FOCAD: variants seen among roughly 807,000 people sequenced by gnomAD.
FOCAD encodes KIAA1797.
A neutral mutation model predicts 225.6 loss-of-function variants in FOCAD; 198 were observed. That is an observed-to-expected ratio of 0.88 (90% CI 0.78 to 0.99). The LOEUF is 0.99. Ranked by LOEUF, FOCAD falls within the 50% of genes least tolerant of loss-of-function variation. The probability of loss-of-function intolerance (pLI) is 0.00; values close to 1 mark genes in which losing one functional copy is unlikely to be tolerated. For synonymous variants in FOCAD, 897 were observed against 755.0 expected, an observed-to-expected ratio of 1.19 and a Z score of -3.08; for missense variants, 2,713 against 2,123.6, an observed-to-expected ratio of 1.28 and a Z score of -5.46.
At chr9:20,705,757 T>A (rs540027471) in intron 1 of FOCAD, among the ~76,000 whole-genome samples, 37 of 151,672 alleles carry the variant, frequency 2.4e-4, no homozygotes, top group African/African-American at 8.7e-4. Context: ...AGATTTAGAT[T>A]GGATGCTGAA....
intron 1 of FOCAD, among the ~76,000 whole-genome samples, chr9:20,691,189 T>C (rs10757143): frequency 0.22 from 32,791 of 152,080 alleles, 3,845 homozygotes; most frequent in African/African-American, 0.31. Context: ...GTGATCCACC[T>C]GCCTTGGCCT....
chr9:20,760,276 G>T (rs1829462915), intron 6 of FOCAD, among the ~76,000 whole-genome samples: 3 of 152,174 alleles, frequency 2.0e-5, no homozygotes, highest in South Asian at 4.1e-4. Context: ...TGTTTTCATA[G>T]CACTTACTTG....
chr9:20,768,258 G>A (rs1289088876), intron 7 of FOCAD, among the ~76,000 whole-genome samples: 2 of 150,496 alleles, frequency 1.3e-5, no homozygotes, highest in Non-Finnish European at 3.0e-5. Context: ...GTCAGGTAGT[G>A]TGATGCCTCC....
chr9:20,737,311 GATCTGTT>G (rs1380204977), intron 4 of FOCAD, among the ~76,000 whole-genome samples: 2 of 152,168 alleles, frequency 1.3e-5, no homozygotes, highest in Non-Finnish European at 1.5e-5. Flanking sequence ...AAAAACCATA[GATCTGTT>G]ATCTGTTATC....
intron 19 of FOCAD, among the ~76,000 whole-genome samples, chr9:20,878,912 G>C (rs1830448009): frequency 1.3e-5 from 2 of 152,134 alleles, no homozygotes; most frequent in African/African-American, 4.8e-5. Context: ...CTGGAGTTCT[G>C]ATGTCCAAAA....
intron 1 of FOCAD, among the ~76,000 whole-genome samples, chr9:20,690,399 G>A (rs1320523457): frequency 6.6e-6 from 1 of 151,974 alleles, no homozygotes; most frequent in African/African-American, 2.4e-5. Context: ...CAATTTATTT[G>A]TTACCCCTTA....
At chr9:20,700,919 A>G (rs923884113) in intron 1 of FOCAD, among the ~76,000 whole-genome samples, 1 of 152,216 alleles carries the variant, frequency 6.6e-6, no homozygotes, top group African/African-American at 2.4e-5. Context: ...TCTCTTAAGA[A>G]ATCCAAATGT....
chr9:20,842,500 T>C (rs554398375), intron 15 of FOCAD, among the ~76,000 whole-genome samples: 1 of 152,028 alleles, frequency 6.6e-6, no homozygotes. Flanking sequence ...CCTGACCTTA[T>C]CCTTTTTACA....
intron 21 of FOCAD, among the ~76,000 whole-genome samples, chr9:20,890,495 A>G (rs1564117914): frequency 6.6e-6 from 1 of 151,746 alleles, no homozygotes; most frequent in Non-Finnish European, 1.5e-5. Flanking sequence ...TGATTTTCTA[A>G]TGTAAACCAA....
At chr9:20,989,974 T>TGGGG (rs1841502768) in intron 41 of FOCAD, 149 bp from the exon 42 acceptor site, 1 of 805,958 alleles carries the variant, frequency 1.2e-6, no homozygotes, top group African/African-American at 1.7e-5. Flanking sequence ...TTCAGTTCAG[T>TGGGG]TCCTCTTCTG....
Position 20,848,691 on chromosome 9 carries a change from A to G in FOCAD, c.1921-13887A>G, listed in dbSNP as rs563970007. ...CAGGGTTAACCACGGTGTATGTATA[A>G]TGAGAAAGGAATCATGCCGTACACA... is the stretch of plus-strand genomic sequence containing the variant. On this transcript the variant is annotated intron_variant, in intron 15 of 43. Coordinates refer to ENST00000338382, the MANE Select transcript of FOCAD (RefSeq NM_001375567.1). Among the ~76,000 whole-genome samples the G allele has an allele frequency of 7.2e-5, 11 of 152,074 alleles. No homozygotes were observed. The South Asian group carries it at 1.9e-3, about 26-fold the overall frequency.
At chr9:20,796,297 C>G (rs1486130743) in intron 11 of FOCAD, among the ~76,000 whole-genome samples, 1 of 152,146 alleles carries the variant, frequency 6.6e-6, no homozygotes, top group Non-Finnish European at 1.5e-5. Context: ...GTCTTTATAG[C>G]AGCATGATTT....
chr9:20,736,884 G>T (rs1037922519), intron 4 of FOCAD, among the ~76,000 whole-genome samples: 3 of 151,780 alleles, frequency 2.0e-5, no homozygotes, highest in African/African-American at 7.3e-5. Context: ...TAACCTGAAA[G>T]TATCCCTCTC....
intron 4 of FOCAD, among the ~76,000 whole-genome samples, chr9:20,724,454 C>G (rs186880334): frequency 6.6e-5 from 10 of 152,174 alleles, no homozygotes; most frequent in African/African-American, 2.4e-4. Flanking sequence ...GGATGCTGGA[C>G]ATTTTAAACA....
Position 20,662,247 on chromosome 9 carries a change from C to T in FOCAD, c.-78+3421C>T, listed in dbSNP as rs564907652. The stretch of plus-strand genomic sequence containing the variant: ...ATAATTACAAGCTACATTGTGATAG[C>T]CATGGAGATGCACAGTCCAGATCCC... On this transcript the variant is annotated intron_variant, in intron 2 of 45. Coordinates refer to the FOCAD transcript ENST00000380249. 2.6e-5 allele frequency among the ~76,000 whole-genome samples: 4 copies of T among 151,964 alleles called. No homozygotes were observed. In the South Asian group the frequency reaches 8.3e-4, roughly 32 times the overall value.
In FOCAD at chr9:20,770,267, A is replaced by G. The variant is rs768397546; in HGVS notation, c.906+29A>G. The G allele has an allele frequency of 7.7e-6, 12 of 1,559,606 alleles. No individual in the cohort carries two copies. The South Asian group carries it at 1.4e-4, about 18-fold the overall frequency. On this transcript the variant is annotated intron_variant, in intron 8 of 43. Transcript: ENST00000338382. ...AGGATAGTAGTATATTATACTGTTCATGCATTGCTATTAAGAAATACCTGA... is the reference window on the plus strand; with the variant it reads ...AGGATAGTAGTATATTATACTGTTCGTGCATTGCTATTAAGAAATACCTGA...
intron 22 of FOCAD, among the ~76,000 whole-genome samples, chr9:20,909,557 G>T (rs1393404522): frequency 6.6e-6 from 1 of 152,040 alleles, no homozygotes; most frequent in Non-Finnish European, 1.5e-5. Context: ...TAAGGTGATG[G>T]TTGGTATCTT....
At chr9:20,925,714 G>A (rs1001441733) in intron 25 of FOCAD, among the ~76,000 whole-genome samples, 1 of 151,976 alleles carries the variant, frequency 6.6e-6, no homozygotes, top group Non-Finnish European at 1.5e-5. Context: ...TAATGAGTGG[G>A]GTTTTTTTTG....
chr9:20,814,919 T>C, intron 11 of FOCAD, among the ~76,000 whole-genome samples: 1 of 152,060 alleles, frequency 6.6e-6, no homozygotes, highest in East Asian at 1.9e-4. Flanking sequence ...TTAAAAGTGA[T>C]TCACGCACCA....
Sources: allele counts gnomAD v4.1 joint callset (sites outside exome capture counted in the v4.1 genomes callset), GRCh38; gene constraint gnomAD v4.1.1; transcripts MANE v1.5; gene names NCBI Gene and HGNC (gene_info 2026-07-23, HGNC 2026-07-21).